Variants in DPYSL2 observed in about 807,000 individuals in gnomAD.
DPYSL2 encodes the protein dihydropyrimidinase-related protein 2.
Under a neutral mutation model 69.9 loss-of-function variants are expected in DPYSL2, and 13 were observed. That is an observed-to-expected ratio of 0.19 (90% CI 0.12 to 0.30). The LOEUF is 0.30. DPYSL2 is among the 10% of genes least tolerant of loss of function. DPYSL2 has a pLI of 1.00. For missense variants in DPYSL2, 587 were observed against 918.9 expected, an observed-to-expected ratio of 0.64 and a Z score of 4.67; for synonymous variants, 326 against 359.1, an observed-to-expected ratio of 0.91 and a Z score of 1.04.
intron 1 of DPYSL2, among the ~76,000 whole-genome samples, chr8:26,573,260 C>G (rs1801269000): frequency 6.6e-6 from 1 of 152,158 alleles, no homozygotes; most frequent in African/African-American, 2.4e-5. Context: ...TGTGGTGGCT[C>G]ACGCCTGTAA....
chr8:26,529,035 T>G (rs924730711), intron 1 of DPYSL2, among the ~76,000 whole-genome samples: 9 of 152,116 alleles, frequency 5.9e-5, no homozygotes, highest in Admixed American at 3.3e-4. Context: ...ATGAAAGACA[T>G]GCCTGCAGGA....
intron 1 of DPYSL2, among the ~76,000 whole-genome samples, chr8:26,568,495 G>A (rs1196004073): frequency 6.6e-6 from 1 of 152,130 alleles, no homozygotes; most frequent in Non-Finnish European, 1.5e-5. Flanking sequence ...GGCAGAAAGA[G>A]GACCAATTTA....
intron 1 of DPYSL2, among the ~76,000 whole-genome samples, chr8:26,577,631 C>T (rs1357920004): frequency 1.3e-5 from 2 of 150,708 alleles, no homozygotes; most frequent in East Asian, 3.9e-4. Flanking sequence ...GACGACCACC[C>T]CTCCATTGTC....
In DPYSL2 at chr8:26,571,292, C is replaced by T. The variant is rs1801230732; in HGVS notation, c.355-10677C>T. On this transcript the variant is annotated intron_variant, in intron 1 of 13. Transcript: ENST00000521913. The surrounding 1 kb of genome is among the most constrained non-coding windows in gnomAD (Gnocchi z 6.1). ...TCTGTTCAGGATGTCTGAGCTGGGG[C>T]CCAGGGTGATTCTGATGGAGGGGAG... 6.6e-6 allele frequency among the ~76,000 whole-genome samples: 1 copy of T among 152,104 alleles called. No individual in the cohort carries two copies. The highest frequency in any genetic ancestry group is 1.5e-5 in the Non-Finnish European group (1 of 68,024).
chr8:26,559,481 C>G (rs1417214302), intron 1 of DPYSL2, among the ~76,000 whole-genome samples: 1 of 152,148 alleles, frequency 6.6e-6, no homozygotes, highest in Non-Finnish European at 1.5e-5. Context: ...ATCTTTTCAG[C>G]CTCCATCTAT....
At position 26,610,935 on chromosome 8, in the gene DPYSL2, T is replaced by A. The variant is rs1238005869; in HGVS notation, c.629-13208T>A. 6.6e-6 allele frequency among the ~76,000 whole-genome samples: 1 copy of A among 152,152 alleles called. No homozygotes were observed. The highest frequency in any genetic ancestry group is 2.4e-5 in the African/African-American group (1 of 41,430). On this transcript the variant is annotated intron_variant, in intron 3 of 13. Transcript: ENST00000521913. This position sits in a 1 kb window ranked among gnomAD's most constrained non-coding sequence, Gnocchi z 4.5. ...TAAGAAACCTGAGGCCCTGACAGGG[T>A]AAGGAGTCCTAAGGTTCTGTAGCTA...
At position 26,655,870 on chromosome 8, in the gene DPYSL2, C is replaced by A. The variant is rs1803376683; in HGVS notation, c.*164C>A. On this transcript the variant is annotated 3_prime_UTR_variant, in exon 14 of 14. Transcript: ENST00000521913. ...ATGGGGTCCCCCTTGGGGCCCCACA[C>A]CCCGTCTCTCACCAAGAGTTACTGA... is the stretch of plus-strand genomic sequence containing the variant. 2 of 544,508 alleles carry A rather than the reference C, an allele frequency of 3.7e-6. No individual in the cohort carries two copies. Among genetic ancestry groups the A allele is most frequent in the Admixed American group, 6.4e-5 (2 of 31,064 alleles). 33.7% of individuals were successfully genotyped at this position (544,508 alleles called of 1,614,324 possible).
chr8:26,592,912 A>C (rs1372190325), intron 3 of DPYSL2, among the ~76,000 whole-genome samples: 2 of 151,714 alleles, frequency 1.3e-5, no homozygotes, highest in Non-Finnish European at 2.9e-5. Context: ...CTTCCTCCCC[A>C]AGCTGACCTT....
chr8:26,577,352 C>A, intron 1 of DPYSL2: 1 of 201,946 alleles, frequency 5.0e-6, no homozygotes, highest in Non-Finnish European at 1.0e-5. Flanking sequence ...CTCAGCCGCG[C>A]CAGGGCGGGG....
At chr8:26,540,144 A>G (rs10110927) in intron 1 of DPYSL2, among the ~76,000 whole-genome samples, 151,957 of 152,288 alleles carry the variant, frequency 1, 75,813 homozygotes, top group Middle Eastern at 1. Context: ...ATGCACAAAC[A>G]TAATGGGAAG....
intron 1 of DPYSL2, among the ~76,000 whole-genome samples, chr8:26,568,326 T>C (rs749728312): frequency 5.9e-5 from 9 of 152,248 alleles, no homozygotes; most frequent in Non-Finnish European, 1.3e-4. Context: ...GCCATTCACC[T>C]GTGACCTCTC....
At chr8:26,535,689 A>G (rs17055429) in intron 1 of DPYSL2, among the ~76,000 whole-genome samples, 2,317 of 151,370 alleles carry the variant, frequency 0.015, 53 homozygotes, top group African/African-American at 0.051. Flanking sequence ...CTGGGATGCA[A>G]ACTAATTATT....
At position 26,610,481 on chromosome 8, in the gene DPYSL2, G is replaced by A. The variant is rs1050412224; in HGVS notation, c.629-13662G>A. Among the ~76,000 whole-genome samples the A allele has an allele frequency of 6.6e-6, 1 of 152,164 alleles. No homozygotes were observed. The highest frequency in any genetic ancestry group is 2.4e-5 in the African/African-American group (1 of 41,420). On this transcript the variant is annotated intron_variant, in intron 3 of 13. Coordinates refer to ENST00000521913, the MANE Select transcript of DPYSL2 (RefSeq NM_001197293.3). The surrounding 1 kb of genome is among the most constrained non-coding windows in gnomAD (Gnocchi z 4.5). ...TAGTGCCTGCTTGCTGTGTGAACAG[G>A]ACAGATTTGTCTTGTTTGTTTGGGT...
rs1450214578 is a variant in DPYSL2 at position 26,562,220 on chromosome 8, G to A, written c.355-19749G>A. On this transcript the variant is annotated intron_variant, in intron 1 of 13. Coordinates refer to ENST00000521913, the MANE Select transcript of DPYSL2 (RefSeq NM_001197293.3). The surrounding 1 kb of genome is among the most constrained non-coding windows in gnomAD (Gnocchi z 4.9). The stretch of plus-strand genomic sequence containing the variant: ...TGCCACGTGTGAGTTTTGGGTCCTG[G>A]GGAAAGTTCCTTAATCTCACTTTGT... Among the ~76,000 whole-genome samples the A allele has an allele frequency of 6.6e-6, 1 of 152,158 alleles. No homozygotes were observed. The highest frequency in any genetic ancestry group is 2.4e-5 in the African/African-American group (1 of 41,426).
At chr8:26,524,374 A>C (rs937133153) in intron 1 of DPYSL2, among the ~76,000 whole-genome samples, 2 of 152,218 alleles carry the variant, frequency 1.3e-5, no homozygotes, top group African/African-American at 4.8e-5. Flanking sequence ...AGTAAGTACC[A>C]TGTTTATTGT....
Position 26,514,592 on chromosome 8 carries a change from C to A in DPYSL2, c.267C>A (p.Ala89=). The part of the protein sequence containing the change: ...QPPYSRQGRR[A]GGEPSVESGR... ...CGTACTCGCGGCAGGGCCGGCGCGCCGGCGGAGAGCCATCTGTTGAATCGG... is the reference window on the plus strand; with the variant it reads ...CGTACTCGCGGCAGGGCCGGCGCGCAGGCGGAGAGCCATCTGTTGAATCGG... Residue 89 remains alanine (A), a synonymous_variant, in exon 1 of 14, where the codon GCC becomes GCA. Transcript: ENST00000521913. This position sits in a 1 kb window ranked among gnomAD's most constrained non-coding sequence, Gnocchi z 8.4. 1 of 1,505,990 alleles carries A rather than the reference C, an allele frequency of 6.6e-7. No homozygotes were observed. Among genetic ancestry groups the A allele is most frequent in the Non-Finnish European group, 8.8e-7 (1 of 1,133,356 alleles). 93.3% of individuals were successfully genotyped at this position (1,505,990 alleles called of 1,614,324 possible).
Position 26,633,066 on chromosome 8 carries a change from G to A in DPYSL2, c.1006-1714G>A, listed in dbSNP as rs116582242. Among the ~76,000 whole-genome samples, 502 of 152,322 alleles carry A rather than the reference G, an allele frequency of 3.3e-3. 3 individuals are homozygous for A. The highest frequency in any genetic ancestry group is 1.0e-2 in the African/African-American group (414 of 41,576). ...CAAGGTAACCAATTCAGTTATAGGG[G>A]CTCAGTTATTTCTTGTGAAAAATAA... On this transcript the variant is annotated intron_variant, in intron 7 of 13. Transcript: ENST00000521913.
chr8:26,645,716 A>C (rs184444301), intron 10 of DPYSL2, among the ~76,000 whole-genome samples: 517 of 151,550 alleles, frequency 3.4e-3, no homozygotes, highest in Middle Eastern at 6.8e-3. Context: ...CACCCAGCTG[A>C]TTTTTGTATT....
chr8:26,529,249 TATCTATCTATCTATCTATCTATCTATC>T (rs1326526191), intron 1 of DPYSL2, among the ~76,000 whole-genome samples: 18 of 148,034 alleles, frequency 1.2e-4, no homozygotes, highest in South Asian at 6.3e-4. Flanking sequence ...TCTATCTATC[TATCTATCTATCTATCTATCTATCTATC>T]ATCTATCTAT....
Sources: allele counts gnomAD v4.1 joint callset (sites outside exome capture counted in the v4.1 genomes callset), GRCh38; gene constraint gnomAD v4.1.1; non-coding constraint Gnocchi (gnomAD v3.1); transcripts MANE v1.5; gene names NCBI Gene and HGNC (gene_info 2026-07-23, HGNC 2026-07-21).